The following IGF2BP3 variants were observed in gnomAD, a reference collection of about 807,000 sequenced individuals.
The protein encoded by IGF2BP3 is insulin like growth factor 2 mRNA binding protein 3.
A neutral mutation model predicts 73.8 loss-of-function variants in IGF2BP3; 9 were observed. The observed-to-expected ratio is 0.12, with a 90% CI of 0.07 to 0.21. IGF2BP3 has a LOEUF of 0.21. IGF2BP3 is among the 10% of genes least tolerant of loss of function. The probability of loss-of-function intolerance (pLI) is 1.00; values close to 1 mark genes in which losing one functional copy is unlikely to be tolerated. For missense variants in IGF2BP3, 542 were observed against 714.0 expected, an observed-to-expected ratio of 0.76 and a Z score of 2.75; for synonymous variants, 258 against 256.7, an observed-to-expected ratio of 1.01 and a Z score of -0.05.
At chr7:23,417,780 G>C (rs1213292524) in intron 3 of IGF2BP3, among the ~76,000 whole-genome samples, 1 of 152,124 alleles carries the variant, frequency 6.6e-6, no homozygotes, top group African/African-American at 2.4e-5. Flanking sequence ...TCTAAAACAG[G>C]AACATGTAAA....
intron 3 of IGF2BP3, 23 bp from the exon 4 acceptor site, chr7:23,361,764 T>C (rs778241245): frequency 1.3e-6 from 2 of 1,589,024 alleles, no homozygotes; most frequent in Non-Finnish European, 1.7e-6. Flanking sequence ...GGAGAGAAAA[T>C]TATAAATTTT....
chr7:23,456,199 A>AT (rs932521749), intron 2 of IGF2BP3, among the ~76,000 whole-genome samples: 2 of 147,308 alleles, frequency 1.4e-5, no homozygotes, highest in African/African-American at 2.5e-5. Flanking sequence ...GAGCTTCTCC[A>AT]TTTTTTGCAA....
chr7:23,447,239 G>A (rs1169653678), intron 2 of IGF2BP3, among the ~76,000 whole-genome samples: 2 of 151,750 alleles, frequency 1.3e-5, no homozygotes, highest in East Asian at 3.9e-4. Context: ...CTAACCATGG[G>A]AGACATCAGA....
chr7:23,344,632 T>A (rs1226868016), intron 8 of IGF2BP3, among the ~76,000 whole-genome samples: 2 of 152,176 alleles, frequency 1.3e-5, no homozygotes, highest in African/African-American at 2.4e-5. Context: ...ATGGGAGACA[T>A]GTGCCATGGA....
At chr7:23,420,658 G>C (rs1329322333) in intron 2 of IGF2BP3, among the ~76,000 whole-genome samples, 5 of 152,038 alleles carry the variant, frequency 3.3e-5, no homozygotes, top group Admixed American at 3.3e-4. Flanking sequence ...AAAAGGGTGA[G>C]AACAAACAAA....
chr7:23,322,763 T>A (rs1174487243), intron 10 of IGF2BP3, among the ~76,000 whole-genome samples: 5 of 152,308 alleles, frequency 3.3e-5, no homozygotes, highest in South Asian at 4.2e-4. Context: ...TGGGGGCCGA[T>A]ATTCAACATT....
At chr7:23,456,670 G>C (rs1449820143) in intron 2 of IGF2BP3, among the ~76,000 whole-genome samples, 1 of 152,200 alleles carries the variant, frequency 6.6e-6, no homozygotes, top group Non-Finnish European at 1.5e-5. Context: ...TGATGAGACA[G>C]TTCTTACTCA....
At chr7:23,407,959 G>GT (rs1786894727) in intron 3 of IGF2BP3, among the ~76,000 whole-genome samples, 1 of 51,674 alleles carries the variant, frequency 1.9e-5, no homozygotes, top group Non-Finnish European at 3.6e-5. Flanking sequence ...GGGGCGGGGG[G>GT]CGGGGGGGGG....
At chr7:23,379,736 C>T (rs1785847085) in intron 3 of IGF2BP3, among the ~76,000 whole-genome samples, 1 of 152,196 alleles carries the variant, frequency 6.6e-6, no homozygotes, top group South Asian at 2.1e-4. Flanking sequence ...TGCTCCTCCC[C>T]ATGTGCCTGC....
intron 2 of IGF2BP3, among the ~76,000 whole-genome samples, chr7:23,430,884 C>T (rs1204514024): frequency 1.3e-5 from 2 of 152,052 alleles, no homozygotes; most frequent in Non-Finnish European, 2.9e-5. Flanking sequence ...CTAGGAAGAA[C>T]TTAGAGGTCC....
intron 10 of IGF2BP3, among the ~76,000 whole-genome samples, chr7:23,327,374 G>A (rs1390251378): frequency 1.3e-5 from 2 of 150,668 alleles, no homozygotes; most frequent in African/African-American, 4.9e-5. Flanking sequence ...TCCGCCTCCC[G>A]GGTTCACGCC....
chr7:23,435,763 CTT>C (rs926883890), intron 2 of IGF2BP3, among the ~76,000 whole-genome samples: 3 of 145,572 alleles, frequency 2.1e-5, no homozygotes, highest in African/African-American at 7.7e-5. Flanking sequence ...GCCTTTTTGT[CTT>C]TGTTTGTTTT....
intron 10 of IGF2BP3, among the ~76,000 whole-genome samples, chr7:23,325,703 T>G (rs1411352509): frequency 6.6e-6 from 1 of 152,166 alleles, no homozygotes; most frequent in African/African-American, 2.4e-5. Context: ...CAAAACAGCA[T>G]GGGACTGGTA....
chr7:23,368,380 A>AAAGAAAGAAAGAAAGAAAGG (rs1562705099), intron 3 of IGF2BP3, among the ~76,000 whole-genome samples: 5 of 150,276 alleles, frequency 3.3e-5, no homozygotes, highest in Non-Finnish European at 7.4e-5. Context: ...AGAAAGAAAG[A>AAAGAAAGAAAGAAAGAAAGG]AAGAAAAGAA....
chr7:23,331,533 A>G (rs1784443977), intron 10 of IGF2BP3, among the ~76,000 whole-genome samples: 1 of 152,156 alleles, frequency 6.6e-6, no homozygotes, highest in African/African-American at 2.4e-5. Context: ...ACAAAAACAA[A>G]AAACAAACAA....
intron 2 of IGF2BP3, among the ~76,000 whole-genome samples, chr7:23,451,775 C>G (rs988686501): frequency 6.6e-6 from 1 of 151,378 alleles, no homozygotes; most frequent in African/African-American, 2.4e-5. Flanking sequence ...GTAGTGAAAC[C>G]CTGTCCTACT....
chr7:23,470,290 T>TA lies in IGF2BP3; in HGVS notation c.-181_-180insT, dbSNP rs1469487510. On this transcript the variant is annotated 5_prime_UTR_variant, in exon 1 of 15. Transcript: ENST00000258729. ...GAAAAATCAGATCCGAGGCTTGTTTTTTCCTTGTCTAGATGTGTTTTAAAA... is the reference window on the plus strand; with the variant it reads ...GAAAAATCAGATCCGAGGCTTGTTTTATTCCTTGTCTAGATGTGTTTTAAAA... 5 of 500,644 alleles carry TA rather than the reference T, an allele frequency of 1.0e-5. No individual in the cohort carries two copies. Among genetic ancestry groups the TA allele is most frequent in the Non-Finnish European group, 1.8e-5 (5 of 284,774 alleles). The allele number at this position is 500,644 out of a possible 1,614,324, so 31.0% of individuals were successfully genotyped here.
At chr7:23,321,889 A>C (rs1784164946) in intron 10 of IGF2BP3, among the ~76,000 whole-genome samples, 1 of 152,210 alleles carries the variant, frequency 6.6e-6, no homozygotes, top group South Asian at 2.1e-4. Context: ...AAACTAACAA[A>C]CAGAAGGGAC....
intron 2 of IGF2BP3, among the ~76,000 whole-genome samples, chr7:23,442,237 A>G (rs770467336): frequency 6.6e-6 from 1 of 152,246 alleles, no homozygotes; most frequent in Non-Finnish European, 1.5e-5. Context: ...GGCTCAAAAC[A>G]TAAGTTGAAA....
Sources: allele counts gnomAD v4.1 joint callset (sites outside exome capture counted in the v4.1 genomes callset), GRCh38; gene constraint gnomAD v4.1.1; transcripts MANE v1.5; gene names NCBI Gene and HGNC (gene_info 2026-07-23, HGNC 2026-07-21).